Variants in CLNK observed in about 807,000 individuals in gnomAD.
CLNK encodes the protein cytokine-dependent hematopoietic cell linker.
A neutral mutation model predicts 68.6 loss-of-function variants in CLNK; 74 were observed. The observed-to-expected ratio is 1.08, with a 90% confidence interval of 0.89 to 1.31. The LOEUF is 1.31. Ranked by LOEUF, CLNK falls within the 50% of genes most tolerant of loss-of-function variation. The pLI is 0.00. For synonymous variants in CLNK, 198 were observed against 172.2 expected (o/e 1.15, Z -1.17); for missense variants, 553 against 515.3 (o/e 1.07, Z -0.71).
chr4:10,530,391 C>T (rs149009688), intron 12 of CLNK, among the ~76,000 whole-genome samples: 3 of 152,182 alleles, frequency 2.0e-5, no homozygotes, highest in Admixed American at 6.5e-5. Context: ...AAGCACTGAG[C>T]GCAGGCACAA....
the CLNK span, among the ~76,000 whole-genome samples, chr4:10,691,681 T>A: frequency 2.6e-4 from 39 of 152,218 alleles, no homozygotes; most frequent in South Asian, 7.7e-3. Flanking sequence ...TATTTTTAAA[T>A]CATGCTGGCA....
At chr4:10,676,419 G>A (rs551341727) in intron 1 of CLNK, among the ~76,000 whole-genome samples, 1 of 141,752 alleles carries the variant, frequency 7.1e-6, no homozygotes, top group East Asian at 2.1e-4. Context: ...GAGGGGTAAG[G>A]GAGAGTGCTT....
At chr4:10,566,843 C>T (rs1019379800) in intron 5 of CLNK, among the ~76,000 whole-genome samples, 4 of 151,610 alleles carry the variant, frequency 2.6e-5, no homozygotes, top group Admixed American at 6.6e-5. Context: ...AAAAAGAAAA[C>T]GATTATATTA....
chr4:10,661,624 A>T (rs928963580), intron 2 of CLNK, among the ~76,000 whole-genome samples: 1 of 152,220 alleles, frequency 6.6e-6, no homozygotes, highest in Non-Finnish European at 1.5e-5. Context: ...CAGGGAGGGT[A>T]AACAATTTTT....
intron 16 of CLNK, among the ~76,000 whole-genome samples, chr4:10,510,570 T>A (rs1261987376): frequency 6.6e-6 from 1 of 152,172 alleles, no homozygotes; most frequent in Non-Finnish European, 1.5e-5. Context: ...CTAGTTTGGG[T>A]CATGATGGGA....
intron 2 of CLNK, among the ~76,000 whole-genome samples, chr4:10,649,820 ACCCAGGCCTCAAAGAATT>A: frequency 6.6e-6 from 1 of 152,238 alleles, no homozygotes; most frequent in South Asian, 2.1e-4. Flanking sequence ...CACAATTTCA[ACCCAGGCCTCAAAGAATT>A]CCCATGGGTT....
intron 2 of CLNK, among the ~76,000 whole-genome samples, chr4:10,605,373 C>T (rs1383407831): frequency 6.6e-6 from 1 of 152,120 alleles, no homozygotes; most frequent in African/African-American, 2.4e-5. Flanking sequence ...CTACTACACA[C>T]CCAGGTGATA....
chr4:10,674,107 T>C (rs561157878), intron 1 of CLNK, among the ~76,000 whole-genome samples: 11 of 152,238 alleles, frequency 7.2e-5, no homozygotes, highest in African/African-American at 2.6e-4. Context: ...GTGATATTAA[T>C]AGGTCCAGAG....
chr4:10,493,107 A>C (rs1398941973), intron 18 of CLNK, among the ~76,000 whole-genome samples: 3 of 152,226 alleles, frequency 2.0e-5, no homozygotes, highest in Non-Finnish European at 4.4e-5. Flanking sequence ...ACTTAAGGTC[A>C]GGAGTTCGAG....
chr4:10,679,111 A>G (rs1291797349), intron 1 of CLNK, among the ~76,000 whole-genome samples: 1 of 152,212 alleles, frequency 6.6e-6, no homozygotes, highest in Admixed American at 6.5e-5. Context: ...CCTGACTTCA[A>G]ACTATACTAC....
intron 17 of CLNK, among the ~76,000 whole-genome samples, chr4:10,504,341 C>T (rs1486611862): frequency 1.3e-5 from 2 of 152,010 alleles, no homozygotes; most frequent in Non-Finnish European, 2.9e-5. Flanking sequence ...AGGATGGTCT[C>T]GATCTCCTGA....
chr4:10,523,069 T>G (rs1718146581), intron 14 of CLNK, among the ~76,000 whole-genome samples: 1 of 152,120 alleles, frequency 6.6e-6, no homozygotes, highest in Non-Finnish European at 1.5e-5. Context: ...AGGTAAAAGT[T>G]GATAGTGGCT....
At chr4:10,535,443 G>A (rs1469829813) in intron 11 of CLNK, among the ~76,000 whole-genome samples, 1 of 152,160 alleles carries the variant, frequency 6.6e-6, no homozygotes, top group Non-Finnish European at 1.5e-5. Flanking sequence ...ATTGGAGATA[G>A]TAATTTTTTT....
chr4:10,636,782 C>T (rs1054880796), intron 2 of CLNK, among the ~76,000 whole-genome samples: 1 of 152,174 alleles, frequency 6.6e-6, no homozygotes, highest in Non-Finnish European at 1.5e-5. Context: ...ATGGAGGTTG[C>T]CTTCTAAAGG....
At chr4:10,614,623 C>T (rs1039270029) in intron 2 of CLNK, among the ~76,000 whole-genome samples, 4 of 152,198 alleles carry the variant, frequency 2.6e-5, no homozygotes, top group African/African-American at 9.7e-5. Flanking sequence ...CACCCCAGCC[C>T]CACTGAACCG....
At chr4:10,596,457 C>T (rs541264361) in intron 3 of CLNK, among the ~76,000 whole-genome samples, 2 of 152,262 alleles carry the variant, frequency 1.3e-5, no homozygotes, top group South Asian at 4.1e-4. Flanking sequence ...TGCAATGCTG[C>T]CCATAAGTAG....
chr4:10,600,397 C>A (rs111899084), intron 2 of CLNK, among the ~76,000 whole-genome samples: 1 of 152,278 alleles, frequency 6.6e-6, no homozygotes, highest in African/African-American at 2.4e-5. Flanking sequence ...CCATACTAGG[C>A]AACGCACTAG....
chr4:10,657,137 C>T (rs920640711), intron 2 of CLNK, among the ~76,000 whole-genome samples: 10 of 152,166 alleles, frequency 6.6e-5, no homozygotes, highest in African/African-American at 2.2e-4. Context: ...GAACTCATAG[C>T]TCGTAACTGG....
intron 11 of CLNK, among the ~76,000 whole-genome samples, chr4:10,534,734 GA>G (rs1560205212): frequency 4.6e-5 from 7 of 152,206 alleles, no homozygotes. Context: ...TAAAATTATG[GA>G]TTTTTTATCC....
Sources: allele counts gnomAD v4.1 joint callset (sites outside exome capture counted in the v4.1 genomes callset), GRCh38; gene constraint gnomAD v4.1.1; transcripts MANE v1.5; gene names NCBI Gene and HGNC (gene_info 2026-07-23, HGNC 2026-07-21).